Variants in RNF157 observed in about 807,000 individuals in gnomAD.
RNF157 encodes the protein E3 ubiquitin ligase RNF157.
In RNF157, 55 loss-of-function variants were observed where a neutral mutation model predicts 88.3. The ratio of observed to expected loss-of-function variants is 0.62; its 90% CI spans 0.50 to 0.78. The LOEUF (loss-of-function observed/expected upper bound fraction) is 0.78. Among genes scored for constraint, RNF157 ranks in the 30% least tolerant of loss-of-function variants. RNF157 has a pLI of 0.00. For missense variants in RNF157, 788 were observed against 860.8 expected, an observed-to-expected ratio of 0.92 and a Z score of 1.06; for synonymous variants, 334 against 341.2, an observed-to-expected ratio of 0.98 and a Z score of 0.23.
chr17:76,222,144 G>A (rs1010118115), intron 1 of RNF157, among the ~76,000 whole-genome samples: 2 of 152,168 alleles, frequency 1.3e-5, no homozygotes, highest in African/African-American at 4.8e-5. Context: ...TCAGGAGTTC[G>A]AGACCAGCCT....
chr17:76,226,754 G>T (rs1479814704), intron 1 of RNF157: 10 of 1,593,414 alleles, frequency 6.3e-6, no homozygotes, highest in Non-Finnish European at 8.6e-6. Context: ...GTCGAAGGGG[G>T]ACATCAAGTC....
At chr17:76,173,327 A>T (rs944156867) in intron 3 of RNF157, among the ~76,000 whole-genome samples, 4 of 152,164 alleles carry the variant, frequency 2.6e-5, no homozygotes, top group Non-Finnish European at 5.9e-5. Flanking sequence ...GCAATAAAAT[A>T]AAGGATTTGA....
intron 3 of RNF157, among the ~76,000 whole-genome samples, chr17:76,169,701 T>C (rs990308970): frequency 1.3e-5 from 2 of 151,302 alleles, no homozygotes; most frequent in African/African-American, 4.9e-5. Flanking sequence ...CGTCTCAGCC[T>C]CCCAAGTAGC....
intron 13 of RNF157, chr17:76,156,533 A>C (rs1331410784): frequency 2.0e-6 from 2 of 985,258 alleles, no homozygotes; most frequent in Non-Finnish European, 2.4e-6. Context: ...CGCACACTTC[A>C]GTCAACACCT....
chr17:76,194,192 T>C (rs1306767024), intron 2 of RNF157, among the ~76,000 whole-genome samples: 1 of 152,140 alleles, frequency 6.6e-6, no homozygotes, highest in South Asian at 2.1e-4. Context: ...ACATTTCCAT[T>C]ACCCCCACAT....
In RNF157 at chr17:76,152,388, C is replaced by T; in HGVS notation, c.1888G>A (p.Asp630Asn). 1 of 1,612,504 alleles carries T rather than the reference C, an allele frequency of 6.2e-7. No individual in the cohort carries two copies. Among genetic ancestry groups the T allele is most frequent in the Non-Finnish European group, 8.5e-7 (1 of 1,178,528 alleles). Reference protein sequence around the residue: ...DFDIASVKALDNKLCSEVCLP... With the variant: ...DFDIASVKALNNKLCSEVCLP... ...CAGACCTCAGAGCACAGCTTATTGT[C>T]CAGTGCTTTCACGCTTGCGATGTCA... The change falls in exon 18 of 19, where the codon GAC (aspartate) becomes AAC (asparagine). Residue 630 changes from aspartate to asparagine, a missense_variant. Coordinates refer to ENST00000269391, the MANE Select transcript of RNF157 (RefSeq NM_052916.3).
At chr17:76,227,252 C>T (rs1475079151) in intron 1 of RNF157, among the ~76,000 whole-genome samples, 1 of 151,696 alleles carries the variant, frequency 6.6e-6, no homozygotes, top group African/African-American at 2.4e-5. Context: ...TCCCAAGTAT[C>T]TGGGACTACA....
chr17:76,239,316 C>T (rs1286546419), intron 1 of RNF157, among the ~76,000 whole-genome samples: 2 of 152,200 alleles, frequency 1.3e-5, no homozygotes, highest in Admixed American at 6.5e-5. Flanking sequence ...TCAAAATCCT[C>T]CTCCACCTCC....
intron 2 of RNF157, among the ~76,000 whole-genome samples, chr17:76,202,128 T>TCTCTCTCTCACACACA (rs1250661867): frequency 8.9e-5 from 12 of 134,602 alleles, no homozygotes; most frequent in African/African-American, 3.8e-4. Flanking sequence ...TCTCTCTCTC[T>TCTCTCTCTCACACACA]CACACACACA....
chr17:76,224,754 A>C (rs910394930), intron 1 of RNF157, among the ~76,000 whole-genome samples: 1 of 152,028 alleles, frequency 6.6e-6, no homozygotes, highest in East Asian at 1.9e-4. Flanking sequence ...AAAAAAACTC[A>C]TAATGTTTTA....
chr17:76,197,384 T>C (rs1439532778), intron 2 of RNF157, among the ~76,000 whole-genome samples: 1 of 152,140 alleles, frequency 6.6e-6, no homozygotes, highest in African/African-American at 2.4e-5. Context: ...ACTATGAGCC[T>C]GGATGTGGTG....
At chr17:76,216,419 T>C (rs1188957732) in intron 1 of RNF157, among the ~76,000 whole-genome samples, 1 of 152,116 alleles carries the variant, frequency 6.6e-6, no homozygotes, top group African/African-American at 2.4e-5. Context: ...CCACAAAAGA[T>C]GTGTAGAGCT....
At chr17:76,155,982 C>T (rs917211073) in intron 14 of RNF157, among the ~76,000 whole-genome samples, 3 of 152,214 alleles carry the variant, frequency 2.0e-5, no homozygotes, top group African/African-American at 7.2e-5. Context: ...AAGGAAACCT[C>T]ATTACAGGAG....
intron 7 of RNF157, 82 bp downstream of exon 7, chr17:76,165,420 G>T: frequency 7.0e-7 from 1 of 1,420,064 alleles, no homozygotes; most frequent in Non-Finnish European, 1.0e-6. Context: ...CTGAGCTCAG[G>T]CACCCAGCAA....
chr17:76,177,900 G>A (rs552087234), intron 2 of RNF157, among the ~76,000 whole-genome samples: 7 of 152,220 alleles, frequency 4.6e-5, no homozygotes, highest in East Asian at 3.9e-4. Flanking sequence ...ACCTTCCTGC[G>A]GAAAAGAGCT....
chr17:76,197,066 A>G (rs534876205), intron 2 of RNF157, among the ~76,000 whole-genome samples: 4 of 152,224 alleles, frequency 2.6e-5, no homozygotes, highest in African/African-American at 9.6e-5. Flanking sequence ...AAACCGGTTG[A>G]TATCAGATGT....
chr17:76,204,321 C>T (rs918991086), intron 2 of RNF157, among the ~76,000 whole-genome samples: 32 of 152,190 alleles, frequency 2.1e-4, no homozygotes, highest in African/African-American at 6.8e-4. Flanking sequence ...GAGTCCCCTC[C>T]CAGAAGCCCC....
At chr17:76,204,075 C>T (rs1257217384) in intron 2 of RNF157, among the ~76,000 whole-genome samples, 1 of 152,130 alleles carries the variant, frequency 6.6e-6, no homozygotes, top group African/African-American at 2.4e-5. Flanking sequence ...CCCATAAAAA[C>T]TTCTTAATAC....
At position 76,147,027 on chromosome 17, in the gene RNF157, A is replaced by C. The variant is rs1415099792; in HGVS notation, c.1922-1674T>G. ...GGTGCTTGACCCCAGGGGAACAGTG[A>C]GAACAGGAGAGTCTTGGATCTCTCT... On this transcript the variant is annotated intron_variant, in intron 18 of 18. Transcript: ENST00000269391. 3.0e-6 allele frequency: 3 copies of C among 985,260 alleles called. No homozygotes were observed. The African/African-American group carries it at 5.2e-5, about 17-fold the overall frequency. 61.0% of individuals were successfully genotyped at this position (985,260 alleles called of 1,614,324 possible).
Sources: allele counts gnomAD v4.1 joint callset (sites outside exome capture counted in the v4.1 genomes callset), GRCh38; gene constraint gnomAD v4.1.1; transcripts MANE v1.5; gene names NCBI Gene and HGNC (gene_info 2026-07-23, HGNC 2026-07-21).